Variants in NDE1 observed in about 807,000 individuals in gnomAD.
NDE1 encodes nudE neurodevelopment protein 1, also known as nuclear distribution protein nudE homolog 1.
Under a neutral mutation model 43.4 loss-of-function variants are expected in NDE1, and 28 were observed. The observed-to-expected ratio is 0.65, with a 90% CI of 0.48 to 0.89. The LOEUF (loss-of-function observed/expected upper bound fraction) is 0.89. Among genes scored for constraint, NDE1 ranks in the 40% least tolerant of loss-of-function variants. The pLI, the probability that NDE1 is intolerant of heterozygous loss-of-function variation, is 0.00. For synonymous variants in NDE1, 184 were observed against 172.0 expected (o/e 1.07, Z -0.55); for missense variants, 441 against 434.1 (o/e 1.02, Z -0.14).
chr16:15,697,169 A>G (rs1663668772), intron 8 of NDE1: 1 of 573,116 alleles, frequency 1.7e-6, no homozygotes, highest in African/African-American at 2.0e-5. Flanking sequence ...CAGTCCCCCG[A>G]GTAGCTGGGA....
chr16:15,700,605 C>T (rs761997883), intron 8 of NDE1: 5 of 151,694 alleles, frequency 3.3e-5, no homozygotes, highest in African/African-American at 4.8e-5. Context: ...GAGTGTGCCA[C>T]TACACCCACT....
At chr16:15,677,318 TCA>T (rs2037934048) in intron 3 of NDE1, among the ~76,000 whole-genome samples, 1 of 151,996 alleles carries the variant, frequency 6.6e-6, no homozygotes, top group South Asian at 2.1e-4. Flanking sequence ...GTGCAGTGGC[TCA>T]CACCTGTAAT....
chr16:15,704,210 CTA>C, intron 8 of NDE1: 2 of 1,507,634 alleles, frequency 1.3e-6, no homozygotes, highest in Non-Finnish European at 1.8e-6. Context: ...AAACTTGTAG[CTA>C]TAGTCCTATT....
In NDE1 at chr16:15,691,136, T is replaced by A. The variant is rs753175215; in HGVS notation, c.524-8T>A. The A allele has an allele frequency of 1.9e-6, 3 of 1,614,096 alleles. No individual in the cohort carries two copies. In the Admixed American group the frequency reaches 5.0e-5, roughly 27 times the overall value. ...GACTTGAATTCCTGAATCCTTTTTC[T>A]GGCACAGATTTGCGGCAGGAACTGG... On this transcript the variant is annotated splice_polypyrimidine_tract_variant and splice_region_variant and intron_variant, in intron 5 of 8. Transcript: ENST00000396354.
chr16:15,681,253 CTTTTTTTTTTTTTT>C lies in NDE1; in HGVS notation c.386+3321_386+3334del, dbSNP rs71134448. Among the ~76,000 whole-genome samples the C allele has an allele frequency of 8.6e-4, 27 of 31,432 alleles. 1 individual carries two copies. The highest frequency in any genetic ancestry group is 3.2e-3 in the Admixed American group (7 of 2,160). The allele number at this position is 31,432 out of a possible 152,430, so 20.6% of individuals were successfully genotyped here. A position where few individuals can be genotyped will look rare whatever the true frequency, so the allele number is the denominator to read the frequency against. Reference sequence around the variant, plus strand: ...TTGTGCCAGCACTGTTAAACACTGCCTTTTTTTTTTTTTTTTTTTTTTTTTTTTTTGAGACTGGG... The same window carrying C: ...TTGTGCCAGCACTGTTAAACACTGCCTTTTTTTTTTTTTTTTGAGACTGGG... On this transcript the variant is annotated intron_variant, in intron 4 of 8. Coordinates refer to ENST00000396354, the MANE Select transcript of NDE1 (RefSeq NM_017668.3).
At chr16:15,720,427 C>T (rs1663009502) in intron 8 of NDE1, 6 of 1,368,192 alleles carry the variant, frequency 4.4e-6, no homozygotes, top group Non-Finnish European at 6.1e-6. Context: ...GTGAGGTGGG[C>T]ATCTCATCCC....
Position 15,719,291 on chromosome 16 carries a change from C to G in NDE1, c.948-4900C>G, listed in dbSNP as rs368731717. The G allele has an allele frequency of 1.9e-6, 3 of 1,612,058 alleles. No homozygotes were observed. The highest frequency in any genetic ancestry group is 2.5e-6 in the Non-Finnish European group (3 of 1,180,016). On this transcript the variant is annotated intron_variant, in intron 8 of 8. Coordinates refer to ENST00000396354, the MANE Select transcript of NDE1 (RefSeq NM_017668.3). ...CGAGGTCCGCTTGTTTGCGAGCCCT[C>G]TCAGCGGCGGCGAGGTCCTAGGTGG...
chr16:15,661,235 G>A (rs1470162594), intron 1 of NDE1, among the ~76,000 whole-genome samples: 3 of 148,796 alleles, frequency 2.0e-5, no homozygotes, highest in East Asian at 2.0e-4. Context: ...TGCAAGCTCC[G>A]CCTCCCGGGT....
At chr16:15,724,044 C>T in intron 8 of NDE1, 147 bp from the exon 9 acceptor site, 8 of 1,547,108 alleles carry the variant, frequency 5.2e-6, no homozygotes, top group Non-Finnish European at 7.0e-6. Context: ...TCCCATGGCT[C>T]CCCACAGAGT....
intron 8 of NDE1, chr16:15,721,188 A>G: frequency 9.6e-7 from 1 of 1,037,972 alleles, no homozygotes; most frequent in Non-Finnish European, 1.4e-6. Flanking sequence ...GGGACTCAAG[A>G]TGACCCCTGA....
At chr16:15,715,825 T>A (rs2040098937) in intron 8 of NDE1, among the ~76,000 whole-genome samples, 1 of 152,118 alleles carries the variant, frequency 6.6e-6, no homozygotes. Context: ...TAAAAGTTTT[T>A]CATAGAAACG....
At chr16:15,722,084 C>T (rs1184768368) in intron 8 of NDE1, among the ~76,000 whole-genome samples, 1 of 152,126 alleles carries the variant, frequency 6.6e-6, no homozygotes, top group Non-Finnish European at 1.5e-5. Context: ...TCTCGAACTC[C>T]TGACCCTCAA....
At chr16:15,699,903 T>A in intron 8 of NDE1, 1 of 1,264,536 alleles carries the variant, frequency 7.9e-7, no homozygotes. Context: ...GGTTTTTGTT[T>A]TAAGTTAGTT....
rs60544332 is a variant in NDE1 at position 15,725,134 on chromosome 16, TA to T, written c.*898del. ...ATACCCGTGAGGTATGGGACTCTGA[TA>T]AAAAAAAAAAAAAACACACACACAC... On this transcript the variant is annotated 3_prime_UTR_variant, in exon 9 of 9. Transcript: ENST00000396354. The T allele has an allele frequency of 0.16, 78,114 of 492,304 alleles. 987 individuals are homozygous for T. Among genetic ancestry groups the T allele is most frequent in the African/African-American group, 0.24 (11,569 of 47,664 alleles). The allele number at this position is 492,304 out of a possible 1,614,324, so 30.5% of individuals were successfully genotyped here. A position where few individuals can be genotyped will look rare whatever the true frequency, so the allele number is the denominator to read the frequency against.
rs138096881 is a variant in NDE1, at chr16:15,703,830, G to T, written c.947+6970G>T. 1.6e-4 allele frequency: 154 copies of T among 954,414 alleles called. No homozygotes were observed. In the African/African-American group the frequency reaches 2.1e-3, roughly 13 times the overall value. 59.1% of individuals were successfully genotyped at this position (954,414 alleles called of 1,614,324 possible). On this transcript the variant is annotated intron_variant, in intron 8 of 8. Transcript: ENST00000396354. ...GGGTGGTGGTTTTTATATTCCTTGT[G>T]TGAGGGGTGTCTGTGATATTTGGAA...
intron 8 of NDE1, 174 bp downstream of exon 8, chr16:15,697,034 G>A (rs1054491418): frequency 3.1e-5 from 48 of 1,523,846 alleles, no homozygotes; most frequent in Non-Finnish European, 4.1e-5. Context: ...CTTGTGGCTT[G>A]AACAAAGGGC....
At chr16:15,693,870 G>A (rs1232520238) in intron 6 of NDE1, among the ~76,000 whole-genome samples, 4 of 152,180 alleles carry the variant, frequency 2.6e-5, no homozygotes, top group Admixed American at 2.0e-4. Flanking sequence ...AACCTGGGAG[G>A]CGGAGGTTGC....
At chr16:15,650,342 A>G in intron 1 of NDE1, 48 bp downstream of exon 1, 1 of 224,844 alleles carries the variant, frequency 4.4e-6, no homozygotes. Flanking sequence ...CTGTCCGGGG[A>G]CCTCCACCGC....
chr16:15,692,369 T>G (rs1308280652), intron 6 of NDE1, among the ~76,000 whole-genome samples: 1 of 152,216 alleles, frequency 6.6e-6, no homozygotes. Flanking sequence ...CCCCTGGGCA[T>G]GAAGAGACCA....
Sources: allele counts gnomAD v4.1 joint callset (sites outside exome capture counted in the v4.1 genomes callset), GRCh38; gene constraint gnomAD v4.1.1; transcripts MANE v1.5; gene names NCBI Gene and HGNC (gene_info 2026-07-23, HGNC 2026-07-21).